AHI1: variants seen among roughly 807,000 people sequenced by gnomAD.
The protein encoded by AHI1 is Abelson helper integration site 1, also known as jouberin.
AHI1 carries 123 observed loss-of-function variants against 149.3 expected under a neutral mutation model. The ratio of observed to expected loss-of-function variants is 0.82; its 90% CI spans 0.71 to 0.96. The LOEUF is 0.96. AHI1 is among the 40% of genes least tolerant of loss of function. The pLI, the probability that AHI1 is intolerant of heterozygous loss-of-function variation, is 0.00. For missense variants in AHI1, 1,439 were observed against 1,422.7 expected (o/e 1.01, Z -0.18); for synonymous variants, 475 against 459.8 (o/e 1.03, Z -0.42).
intron 23 of AHI1, among the ~76,000 whole-genome samples, chr6:135,359,037 A>G (rs1793437487): frequency 6.6e-6 from 1 of 152,242 alleles, no homozygotes; most frequent in Admixed American, 6.5e-5. Context: ...ATGTCTGTTA[A>G]TAGCAATTAG....
chr6:135,363,098 G>A (rs1479023457), intron 23 of AHI1, among the ~76,000 whole-genome samples: 1 of 151,028 alleles, frequency 6.6e-6, no homozygotes, highest in Non-Finnish European at 1.5e-5. Flanking sequence ...TCTCGCAGAG[G>A]GGGATTTGGC....
chr6:135,288,132 C>G (rs1200450797), intron 28 of AHI1, among the ~76,000 whole-genome samples: 1 of 151,872 alleles, frequency 6.6e-6, no homozygotes, highest in African/African-American at 2.4e-5. Context: ...AAAACCTGGA[C>G]CTTACCCCAC....
intron 27 of AHI1, among the ~76,000 whole-genome samples, chr6:135,294,161 C>A (rs570937043): frequency 5.1e-4 from 77 of 152,060 alleles, no homozygotes; most frequent in African/African-American, 1.6e-3. Context: ...CCCATCTCTA[C>A]TAAAAATACA....
At chr6:135,307,505 G>C (rs1293463220) in intron 26 of AHI1, among the ~76,000 whole-genome samples, 1 of 151,854 alleles carries the variant, frequency 6.6e-6, no homozygotes, top group African/African-American at 2.4e-5. Flanking sequence ...TAAAATTCTT[G>C]TTTTTAAGTA....
intron 8 of AHI1, among the ~76,000 whole-genome samples, chr6:135,460,601 T>C (rs112494013): frequency 7.9e-4 from 120 of 152,164 alleles, no homozygotes; most frequent in African/African-American, 2.6e-3. Context: ...CTAAAATCCA[T>C]ACAGAAATGC....
At chr6:135,451,812 A>C (rs1276099435) in intron 11 of AHI1, among the ~76,000 whole-genome samples, 1 of 151,900 alleles carries the variant, frequency 6.6e-6, no homozygotes, top group East Asian at 1.9e-4. Flanking sequence ...ACACGATGGC[A>C]CTGTTTACTA....
At chr6:135,358,074 C>G in intron 24 of AHI1, 58 bp downstream of exon 24, 1 of 1,479,250 alleles carries the variant, frequency 6.8e-7, no homozygotes, top group Non-Finnish European at 9.4e-7. Context: ...GTAACTATAA[C>G]CAGTATAATT....
intron 24 of AHI1, among the ~76,000 whole-genome samples, chr6:135,357,621 T>A: frequency 6.6e-6 from 1 of 152,204 alleles, no homozygotes. Flanking sequence ...CTTATGAGTC[T>A]TTCAATTGCA....
intron 23 of AHI1, among the ~76,000 whole-genome samples, chr6:135,391,739 T>C (rs1356331489): frequency 4.6e-5 from 7 of 152,190 alleles, no homozygotes; most frequent in Admixed American, 4.6e-4. Flanking sequence ...TATTCAATGA[T>C]ACTTGTTAAA....
rs1171941077 is a variant in AHI1 at position 135,455,763 on chromosome 6, C to T, written c.1315G>A (p.Glu439Lys). The T allele has an allele frequency of 2.5e-6, 4 of 1,603,808 alleles. No homozygotes were observed. In the South Asian group the frequency reaches 3.4e-5, roughly 14 times the overall value. ...NFPYLLRGSD[E>K]SPKVILFFEI... ...AAGAACAGGATGACTTTAGGACTCT[C>T]ATCAGAGCCTCGAAGCAAATAGGGA... Residue 439 changes from glutamate (E) to lysine (K), a missense_variant, in exon 10 of 29, where the codon GAG becomes AAG. Transcript: ENST00000265602.
intron 7 of AHI1, 42 bp from the exon 8 acceptor site, chr6:135,463,348 T>C (rs997453696): frequency 4.2e-6 from 6 of 1,442,394 alleles, no homozygotes; most frequent in Non-Finnish European, 4.7e-6. Flanking sequence ...AGATATATTA[T>C]CATTATAATT....
intron 23 of AHI1, 42 bp from the exon 24 acceptor site, chr6:135,358,229 GT>G (rs775349372): frequency 1.5e-5 from 23 of 1,516,266 alleles, no homozygotes; most frequent in Non-Finnish European, 2.1e-5. Flanking sequence ...TATTAAGCCT[GT>G]CCATTTTATG....
Position 135,482,461 on chromosome 6 carries a change from C to A in AHI1, c.135+8162G>T, listed in dbSNP as rs561774669. Among the ~76,000 whole-genome samples the A allele has an allele frequency of 5.9e-5, 9 of 151,688 alleles. No individual in the cohort carries two copies. The South Asian group carries it at 1.9e-3, about 31-fold the overall frequency. On this transcript the variant is annotated intron_variant, in intron 5 of 28. Transcript: ENST00000265602. ...ATAAACCTGGACAGGCCATGCCAGC[C>A]CACCACTGTTTTTTTTTTTGTTTGT...
chr6:135,481,158 T>C (rs556171408), intron 5 of AHI1, among the ~76,000 whole-genome samples: 1 of 152,198 alleles, frequency 6.6e-6, no homozygotes, highest in South Asian at 2.1e-4. Context: ...CTTGGGACTG[T>C]AGAGTCCTCA....
intron 24 of AHI1, among the ~76,000 whole-genome samples, chr6:135,340,731 T>C (rs1037024684): frequency 7.1e-6 from 1 of 141,024 alleles, no homozygotes; most frequent in African/African-American, 2.6e-5. Flanking sequence ...TCCATCTAAT[T>C]AAAAAAAACT....
At chr6:135,357,950 C>T (rs1793252036) in intron 24 of AHI1, among the ~76,000 whole-genome samples, 182 bp downstream of exon 24, 1 of 152,128 alleles carries the variant, frequency 6.6e-6, no homozygotes, top group African/African-American at 2.4e-5. Flanking sequence ...CAAATACTTA[C>T]ATTACATTAT....
At chr6:135,373,774 A>G (rs1477013631) in intron 23 of AHI1, among the ~76,000 whole-genome samples, 1 of 152,196 alleles carries the variant, frequency 6.6e-6, no homozygotes, top group Non-Finnish European at 1.5e-5. Flanking sequence ...TGAAGACAGA[A>G]CATATGTCCA....
In AHI1 at chr6:135,430,004, A is replaced by G; in HGVS notation, c.2374-4T>C. On this transcript the variant is annotated splice_polypyrimidine_tract_variant and splice_region_variant and intron_variant, in intron 17 of 28. Transcript: ENST00000265602. Reference sequence around the variant, plus strand: ...TAAACTCAGTTTCTTTAATTTCCTAAAATGATTAAAAAAAATACTACTACT... The same window carrying G: ...TAAACTCAGTTTCTTTAATTTCCTAGAATGATTAAAAAAAATACTACTACT... 6.8e-7 allele frequency: 1 copy of G among 1,462,938 alleles called. No homozygotes were observed. The highest frequency in any genetic ancestry group is 1.8e-4 in the Middle Eastern group (1 of 5,422). The allele number at this position is 1,462,938 out of a possible 1,614,324, so 90.6% of individuals were successfully genotyped here.
chr6:135,373,246 T>C (rs1249993632), intron 23 of AHI1, among the ~76,000 whole-genome samples: 1 of 151,116 alleles, frequency 6.6e-6, no homozygotes, highest in African/African-American at 2.5e-5. Context: ...GTACCTTTTC[T>C]ATGTTTAGAT....
Sources: gnomAD v4.1 joint callset for allele counts (sites outside exome capture counted in the v4.1 genomes callset) on GRCh38, gnomAD v4.1.1 for gene constraint, MANE v1.5 for transcripts, NCBI Gene and HGNC (gene_info 2026-07-23, HGNC 2026-07-21) for gene names.